Variants in SRRM3 observed in about 807,000 individuals in gnomAD.
The protein encoded by SRRM3 is serine/arginine repetitive matrix 3.
SRRM3 carries 27 observed loss-of-function variants against 66.2 expected under a neutral mutation model. The ratio of observed to expected loss-of-function variants is 0.41; its 90% CI spans 0.30 to 0.56. The LOEUF (loss-of-function observed/expected upper bound fraction) is 0.56. Ranked by LOEUF, SRRM3 falls within the 20% of genes least tolerant of loss-of-function variation. SRRM3 has a pLI of 0.32. For synonymous variants in SRRM3, 391 were observed against 414.9 expected, an observed-to-expected ratio of 0.94 and a Z score of 0.70; for missense variants, 918 against 991.9, an observed-to-expected ratio of 0.93 and a Z score of 1.00.
rs1554612949 is a variant in SRRM3, at chr7:76,287,245, T to C, written c.*1402T>C. Reference sequence around the variant, plus strand: ...GTCCCCCCTCCCTCTTTCTCCGCAGTGCGGATAAAAATTGGACTCGAATAA... The same window carrying C: ...GTCCCCCCTCCCTCTTTCTCCGCAGCGCGGATAAAAATTGGACTCGAATAA... On this transcript the variant is annotated 3_prime_UTR_variant, in exon 15 of 15. Coordinates refer to ENST00000611745, the MANE Select transcript of SRRM3 (RefSeq NM_001110199.3). The C allele has an allele frequency of 6.6e-6, 1 of 152,656 alleles. No individual in the cohort carries two copies. The highest frequency in any genetic ancestry group is 1.5e-5 in the Non-Finnish European group (1 of 68,180). 9.5% of individuals were successfully genotyped at this position (152,656 alleles called of 1,614,324 possible).
intron 11 of SRRM3, among the ~76,000 whole-genome samples, chr7:76,278,065 A>G (rs1554611383): frequency 1.3e-5 from 2 of 152,174 alleles, no homozygotes; most frequent in African/African-American, 4.8e-5. Flanking sequence ...GTTGAGGGAA[A>G]AGAATGGTGG....
chr7:76,264,161 C>CT (rs781826102), intron 8 of SRRM3, among the ~76,000 whole-genome samples: 9,822 of 126,358 alleles, frequency 0.078, 1,129 homozygotes, highest in African/African-American at 0.24. Flanking sequence ...CAACCCCTGC[C>CT]TTTTTTTTTT....
At chr7:76,241,717 T>G (rs1396783070) in intron 2 of SRRM3, among the ~76,000 whole-genome samples, 2 of 152,068 alleles carry the variant, frequency 1.3e-5, no homozygotes, top group Non-Finnish European at 2.9e-5. Context: ...TTTGCCAGGC[T>G]GGGGTCAAAC....
intron 1 of SRRM3, among the ~76,000 whole-genome samples, chr7:76,204,820 C>T (rs1214434435): frequency 6.6e-6 from 1 of 152,198 alleles, no homozygotes; most frequent in Non-Finnish European, 1.5e-5. Context: ...CACTTGTAAT[C>T]CTAACACTTT....
intron 11 of SRRM3, among the ~76,000 whole-genome samples, chr7:76,280,920 T>A (rs1206303489): frequency 6.7e-6 from 1 of 149,884 alleles, no homozygotes; most frequent in African/African-American, 2.5e-5. Flanking sequence ...TCTCTCTTCC[T>A]CTCTCTCTCT....
intron 1 of SRRM3, among the ~76,000 whole-genome samples, chr7:76,206,332 G>C (rs1800301552): frequency 6.6e-6 from 1 of 152,216 alleles, no homozygotes; most frequent in Admixed American, 6.5e-5. Context: ...TTGGGGGGCA[G>C]AGTGAGGGAG....
chr7:76,276,277 C>T (rs1481599119), intron 11 of SRRM3, among the ~76,000 whole-genome samples: 2 of 152,100 alleles, frequency 1.3e-5, no homozygotes, highest in African/African-American at 4.8e-5. Flanking sequence ...TGTGCCAGGC[C>T]CCATCTGGAT....
At chr7:76,266,841 T>G (rs1478584231) in intron 10 of SRRM3, among the ~76,000 whole-genome samples, 1 of 150,748 alleles carries the variant, frequency 6.6e-6, no homozygotes. Context: ...CCCGACTAAT[T>G]TTTGTATTTT....
intron 14 of SRRM3, among the ~76,000 whole-genome samples, chr7:76,284,644 G>A (rs1024064777): frequency 6.6e-6 from 1 of 152,032 alleles, no homozygotes; most frequent in African/African-American, 2.4e-5. Context: ...CACCCTGCCC[G>A]TAGGCCAGGC....
At chr7:76,224,548 G>A (rs941748521) in intron 1 of SRRM3, among the ~76,000 whole-genome samples, 20 of 152,040 alleles carry the variant, frequency 1.3e-4, no homozygotes, top group African/African-American at 2.4e-4. Context: ...GCCTGTTACC[G>A]CAAGAAAGGA....
intron 12 of SRRM3, among the ~76,000 whole-genome samples, chr7:76,282,228 C>A: frequency 7.1e-6 from 1 of 141,834 alleles, no homozygotes; most frequent in African/African-American, 2.6e-5. Context: ...CTGATCCCAG[C>A]CCCCCGACGG....
intron 2 of SRRM3, among the ~76,000 whole-genome samples, chr7:76,244,093 C>T (rs1280335650): frequency 1.3e-5 from 2 of 152,096 alleles, no homozygotes; most frequent in South Asian, 2.1e-4. Flanking sequence ...GCCTGAGCCA[C>T]GAGGGGATGG....
At chr7:76,262,434 T>C (rs1554608890) in intron 8 of SRRM3, among the ~76,000 whole-genome samples, 1 of 118,082 alleles carries the variant, frequency 8.5e-6, no homozygotes, top group Admixed American at 9.9e-5. Flanking sequence ...TGAACCCGGG[T>C]GGCGGAGGTT....
intron 3 of SRRM3, among the ~76,000 whole-genome samples, chr7:76,249,291 C>T (rs563731615): frequency 6.6e-6 from 1 of 151,766 alleles, no homozygotes; most frequent in Admixed American, 6.6e-5. Context: ...GGAGCTGAGA[C>T]ACGAGAATCA....
At chr7:76,234,982 G>A in intron 1 of SRRM3, 46 bp from the exon 2 acceptor site, 1 of 1,112,514 alleles carries the variant, frequency 9.0e-7, no homozygotes, top group Non-Finnish European at 1.3e-6. Context: ...CTTAACAGGT[G>A]GCGAAGAAGT....
chr7:76,212,271 C>T (rs4728614), intron 1 of SRRM3, among the ~76,000 whole-genome samples: 25,244 of 149,072 alleles, frequency 0.17, 2,393 homozygotes, highest in East Asian at 0.31. Flanking sequence ...AGATGATCTT[C>T]CCAAGTAGCT....
chr7:76,285,869 C>G lies in SRRM3; in HGVS notation c.*26C>G, dbSNP rs943882468. ...GCCCAGACAGACTCAGCTTGGTGCC[C>G]CCCTGGCACTGGGAGAGGCGAGGGG... On this transcript the variant is annotated 3_prime_UTR_variant, in exon 15 of 15. Transcript: ENST00000611745. The surrounding 1 kb of genome is among the most constrained non-coding windows in gnomAD (Gnocchi z 4.1). The G allele has an allele frequency of 2.3e-5, 36 of 1,533,774 alleles. No individual in the cohort carries two copies. The highest frequency in any genetic ancestry group is 3.1e-5 in the Non-Finnish European group (35 of 1,135,946).
At chr7:76,204,476 T>C (rs1397906919) in intron 1 of SRRM3, among the ~76,000 whole-genome samples, 1 of 152,190 alleles carries the variant, frequency 6.6e-6, no homozygotes, top group Non-Finnish European at 1.5e-5. Context: ...GTGATGGGAC[T>C]TTCCCAAAGT....
Position 76,265,352 on chromosome 7 carries a change from C to T in SRRM3, c.726-12C>T. ...AATTGAGGTACAGGCTGATTTCCCCCATCCACGCCAGGCCTCACACAGAGT... is the reference window on the plus strand; with the variant it reads ...AATTGAGGTACAGGCTGATTTCCCCTATCCACGCCAGGCCTCACACAGAGT... On this transcript the variant is annotated splice_polypyrimidine_tract_variant and intron_variant, in intron 9 of 14. Coordinates refer to ENST00000611745, the MANE Select transcript of SRRM3 (RefSeq NM_001110199.3). 6.3e-7 allele frequency: 1 copy of T among 1,585,292 alleles called. No homozygotes were observed. The highest frequency in any genetic ancestry group is 8.6e-7 in the Non-Finnish European group (1 of 1,165,196).
Sources: allele counts gnomAD v4.1 joint callset (sites outside exome capture counted in the v4.1 genomes callset), GRCh38; gene constraint gnomAD v4.1.1; non-coding constraint Gnocchi (gnomAD v3.1); transcripts MANE v1.5; gene names NCBI Gene and HGNC (gene_info 2026-07-23, HGNC 2026-07-21).